ZNF804B: variants seen among roughly 807,000 people sequenced by gnomAD.
The protein encoded by ZNF804B is zinc finger 804B.
ZNF804B carries 80 observed loss-of-function variants against 101.4 expected under a neutral mutation model. The observed-to-expected ratio is 0.79, with a 90% confidence interval of 0.66 to 0.95. The LOEUF (loss-of-function observed/expected upper bound fraction) is 0.95. ZNF804B is among the 40% of genes least tolerant of loss of function. The probability of loss-of-function intolerance (pLI) is 0.00; values close to 1 mark genes in which losing one functional copy is unlikely to be tolerated. For missense variants in ZNF804B, 1,673 were observed against 1,561.9 expected, an observed-to-expected ratio of 1.07 and a Z score of -1.20; for synonymous variants, 622 against 558.8, an observed-to-expected ratio of 1.11 and a Z score of -1.59.
At chr7:89,058,924 G>A (rs1285561240) in intron 1 of ZNF804B, among the ~76,000 whole-genome samples, 4 of 149,608 alleles carry the variant, frequency 2.7e-5, no homozygotes, top group East Asian at 4.0e-4. Flanking sequence ...TAACTCCTGC[G>A]TTCAAGTGAT....
At chr7:88,956,073 G>C (rs1793301057) in intron 1 of ZNF804B, among the ~76,000 whole-genome samples, 1 of 151,470 alleles carries the variant, frequency 6.6e-6, no homozygotes, top group Non-Finnish European at 1.5e-5. Flanking sequence ...TTATCAAAAA[G>C]ACAAAAAATA....
At position 89,321,049 on chromosome 7, in the gene ZNF804B, TAAG is replaced by T. The variant is rs1249113142; in HGVS notation, c.250-6292_250-6290del. ...TTTTTGAATGCATCAAGTAAAATAA[TAAG>T]AAATAGTTTACCATGTATACTGAAA... On this transcript the variant is annotated intron_variant, in intron 2 of 3. Transcript: ENST00000333190. 3.3e-5 allele frequency among the ~76,000 whole-genome samples: 5 copies of T among 152,188 alleles called. No homozygotes were observed. The East Asian group carries it at 7.7e-4, about 24-fold the overall frequency.
rs193167510 is a variant in ZNF804B at position 89,266,899 on chromosome 7, G to A, written c.249+48604G>A. Among the ~76,000 whole-genome samples, 615 of 152,192 alleles carry A rather than the reference G, an allele frequency of 4.0e-3. 4 individuals carry two copies. The highest frequency in any genetic ancestry group is 0.014 in the African/African-American group (587 of 41,526). ...TGTTTGTGTGTGTGTGTGTCTTTGG[G>A]AGTGTTGGCAATGGAAAGAAGTTAA... On this transcript the variant is annotated intron_variant, in intron 2 of 3. Coordinates refer to ENST00000333190, the MANE Select transcript of ZNF804B (RefSeq NM_181646.5).
intron 1 of ZNF804B, among the ~76,000 whole-genome samples, chr7:88,904,945 C>G (rs1164378615): frequency 6.6e-6 from 1 of 152,168 alleles, no homozygotes; most frequent in Non-Finnish European, 1.5e-5. Context: ...TTATTTCTTT[C>G]TCTTAACTTA....
At chr7:88,977,288 A>G (rs575275335) in intron 1 of ZNF804B, among the ~76,000 whole-genome samples, 2 of 143,798 alleles carry the variant, frequency 1.4e-5, no homozygotes, top group African/African-American at 2.5e-5. Context: ...TTCATCCTCT[A>G]TTTTTTTTTT....
chr7:88,764,012 A>G (rs1056930294), intron 1 of ZNF804B, among the ~76,000 whole-genome samples: 2 of 152,190 alleles, frequency 1.3e-5, no homozygotes, highest in Admixed American at 6.5e-5. Flanking sequence ...AACATAGTCT[A>G]TAGATTAATT....
chr7:89,289,211 G>A (rs1259857872), intron 2 of ZNF804B, among the ~76,000 whole-genome samples: 1 of 152,100 alleles, frequency 6.6e-6, no homozygotes, highest in Non-Finnish European at 1.5e-5. Flanking sequence ...TATTAGCAAA[G>A]TAGTAGCCAT....
At chr7:89,006,972 T>G (rs1788376285) in intron 1 of ZNF804B, among the ~76,000 whole-genome samples, 2 of 152,102 alleles carry the variant, frequency 1.3e-5, no homozygotes, top group Non-Finnish European at 2.9e-5. Context: ...GCAGATGAAG[T>G]GCGTGTTGGC....
chr7:88,925,470 A>G (rs1327267760), intron 1 of ZNF804B, among the ~76,000 whole-genome samples: 1 of 152,154 alleles, frequency 6.6e-6, no homozygotes, highest in African/African-American at 2.4e-5. Context: ...TAAAAATAGA[A>G]AATTTGGGTT....
At chr7:88,760,594 C>T (rs969373520) in intron 1 of ZNF804B, among the ~76,000 whole-genome samples, 1 of 152,118 alleles carries the variant, frequency 6.6e-6, no homozygotes, top group Non-Finnish European at 1.5e-5. Flanking sequence ...CTCAACTATG[C>T]ACATTCTTTA....
chr7:88,899,223 T>G (rs957493283), intron 1 of ZNF804B, among the ~76,000 whole-genome samples: 27 of 152,160 alleles, frequency 1.8e-4, no homozygotes, highest in Non-Finnish European at 7.4e-5. Flanking sequence ...CAATTTTTTT[T>G]CTTACACTTC....
At chr7:88,899,781 C>G (rs1792361084) in intron 1 of ZNF804B, among the ~76,000 whole-genome samples, 1 of 152,116 alleles carries the variant, frequency 6.6e-6, no homozygotes, top group South Asian at 2.1e-4. Flanking sequence ...ATACCCATAT[C>G]TCCTTCTATG....
chr7:89,077,212 A>G (rs1475689220), intron 1 of ZNF804B, among the ~76,000 whole-genome samples: 1 of 152,204 alleles, frequency 6.6e-6, no homozygotes, highest in Non-Finnish European at 1.5e-5. Context: ...GATCATCCAG[A>G]CCTGGAGAAA....
intron 1 of ZNF804B, among the ~76,000 whole-genome samples, chr7:88,814,719 A>G (rs147842257): frequency 8.5e-4 from 129 of 152,260 alleles, no homozygotes; most frequent in African/African-American, 3.0e-3. Context: ...ATGCCTACCT[A>G]AAGTTGTTGT....
chr7:89,188,123 T>C (rs1788401966), intron 1 of ZNF804B, among the ~76,000 whole-genome samples: 1 of 152,092 alleles, frequency 6.6e-6, no homozygotes. Context: ...ATCAAACAAG[T>C]CTACATGTGC....
At chr7:89,246,003 A>G (rs1027948297) in intron 2 of ZNF804B, among the ~76,000 whole-genome samples, 1 of 152,158 alleles carries the variant, frequency 6.6e-6, no homozygotes, top group Non-Finnish European at 1.5e-5. Context: ...AAAGCTGCAG[A>G]CATTTTCCCA....
At chr7:89,325,191 GT>G (rs1030782392) in intron 2 of ZNF804B, among the ~76,000 whole-genome samples, 4 of 150,814 alleles carry the variant, frequency 2.7e-5, no homozygotes, top group Admixed American at 6.6e-5. Flanking sequence ...AGATCTCTGG[GT>G]TTTTTTTTCT....
At position 88,854,537 on chromosome 7, in the gene ZNF804B, T is replaced by TCCCTTC. The variant is rs1554340264; in HGVS notation, c.108+94455_108+94456insCTTCCC. Among the ~76,000 whole-genome samples, 15 of 95,180 alleles carry TCCCTTC rather than the reference T, an allele frequency of 1.6e-4. No homozygotes were observed. The South Asian group carries it at 4.2e-3, about 27-fold the overall frequency. The allele number at this position is 95,180 out of a possible 152,430, so 62.4% of individuals were successfully genotyped here. A position where few individuals can be genotyped will look rare whatever the true frequency, so the allele number is the denominator to read the frequency against. Reference sequence around the variant, plus strand: ...CTTTCCTTTCCTTCCTTTCCTTCCTTCCTTCCTTCCTTCCTTCCTTCCTTC... The same window carrying TCCCTTC: ...CTTTCCTTTCCTTCCTTTCCTTCCTTCCCTTCCCTTCCTTCCTTCCTTCCTTCCTTC... On this transcript the variant is annotated intron_variant, in intron 1 of 3. Transcript: ENST00000333190.
At chr7:88,834,173 A>AT (rs1443355359) in intron 1 of ZNF804B, among the ~76,000 whole-genome samples, 1 of 151,824 alleles carries the variant, frequency 6.6e-6, no homozygotes, top group Non-Finnish European at 1.5e-5. Context: ...ATATGGAATT[A>AT]TTTTTTGTTA....
Sources: allele counts gnomAD v4.1 joint callset (sites outside exome capture counted in the v4.1 genomes callset), GRCh38; gene constraint gnomAD v4.1.1; transcripts MANE v1.5; gene names NCBI Gene and HGNC (gene_info 2026-07-23, HGNC 2026-07-21).